LHFPL4: variants seen among roughly 807,000 people sequenced by gnomAD.
LHFPL4 encodes LHFPL tetraspan subfamily member 4, also known as LHFPL tetraspan subfamily member 4 protein.
LHFPL4 carries 6 observed loss-of-function variants against 20.0 expected under a neutral mutation model. The ratio of observed to expected loss-of-function variants is 0.30; its 90% CI spans 0.16 to 0.59. The LOEUF (loss-of-function observed/expected upper bound fraction) is 0.59. LHFPL4 is among the 20% of genes least tolerant of loss of function. The pLI is 0.88. For missense variants in LHFPL4, 215 were observed against 331.2 expected, an observed-to-expected ratio of 0.65 and a Z score of 2.72; for synonymous variants, 129 against 143.8, an observed-to-expected ratio of 0.90 and a Z score of 0.74.
chr3:9,518,791 G>C (rs1361213845), intron 2 of LHFPL4, among the ~76,000 whole-genome samples: 1 of 146,534 alleles, frequency 6.8e-6, no homozygotes, highest in Non-Finnish European at 1.5e-5. Flanking sequence ...TTGAAACAGA[G>C]TCTCACTCTG....
At chr3:9,546,141 C>T (rs928679157) in intron 2 of LHFPL4, among the ~76,000 whole-genome samples, 2 of 151,758 alleles carry the variant, frequency 1.3e-5, no homozygotes, top group African/African-American at 4.8e-5. Context: ...TGGTGAAACC[C>T]TGTCTCTACT....
chr3:9,521,222 T>C (rs2046335239), intron 2 of LHFPL4, among the ~76,000 whole-genome samples: 1 of 120,664 alleles, frequency 8.3e-6, no homozygotes, highest in Non-Finnish European at 1.8e-5. Flanking sequence ...CTTTTCCTTT[T>C]CTTCTTCTTC....
At chr3:9,543,298 G>C (rs1213398596) in intron 2 of LHFPL4, among the ~76,000 whole-genome samples, 1 of 151,846 alleles carries the variant, frequency 6.6e-6, no homozygotes, top group African/African-American at 2.4e-5. Flanking sequence ...TCAGGAGATC[G>C]AGACCATCCT....
At chr3:9,508,403 A>C (rs569606479) in intron 2 of LHFPL4, among the ~76,000 whole-genome samples, 63 of 152,282 alleles carry the variant, frequency 4.1e-4, no homozygotes, top group African/African-American at 1.4e-3. Flanking sequence ...TCACCACCTA[A>C]GGGCTGGGAA....
At chr3:9,510,745 C>T (rs1327565192) in intron 2 of LHFPL4, among the ~76,000 whole-genome samples, 2 of 151,298 alleles carry the variant, frequency 1.3e-5, no homozygotes, top group Non-Finnish European at 2.9e-5. Context: ...CGAGACCAGC[C>T]TGGTCAACAT....
At position 9,525,887 on chromosome 3, in the gene LHFPL4, G is replaced by A. The variant is rs143256654; in HGVS notation, c.407-19684C>T. Among the ~76,000 whole-genome samples the A allele has an allele frequency of 5.7e-3, 875 of 152,244 alleles. 11 individuals carry two copies. The highest frequency in any genetic ancestry group is 8.0e-3 in the Non-Finnish European group (546 of 68,028). Reference sequence around the variant, plus strand: ...CAGGCACAGAAAGGTTAAATGATGAGTCTGACCTAGCCTTCCTGGGGCCTG... The same window carrying A: ...CAGGCACAGAAAGGTTAAATGATGAATCTGACCTAGCCTTCCTGGGGCCTG... On this transcript the variant is annotated intron_variant, in intron 2 of 3. Coordinates refer to ENST00000287585, the MANE Select transcript of LHFPL4 (RefSeq NM_198560.3).
chr3:9,532,184 C>A (rs1238581987), intron 2 of LHFPL4, among the ~76,000 whole-genome samples: 1 of 152,046 alleles, frequency 6.6e-6, no homozygotes, highest in Non-Finnish European at 1.5e-5. Context: ...CACCACTACA[C>A]CCAGCTAATT....
At chr3:9,542,331 T>C (rs2046482051) in intron 2 of LHFPL4, among the ~76,000 whole-genome samples, 1 of 152,038 alleles carries the variant, frequency 6.6e-6, no homozygotes, top group East Asian at 1.9e-4. Context: ...ATAGCATTCT[T>C]CATAATAGCC....
intron 2 of LHFPL4, among the ~76,000 whole-genome samples, chr3:9,511,672 T>C (rs1372346861): frequency 2.0e-5 from 3 of 152,232 alleles, no homozygotes; most frequent in Non-Finnish European, 2.9e-5. Context: ...TCTAGCTAGA[T>C]ACTTTTGCCT....
At chr3:9,545,649 G>C (rs986007635) in intron 2 of LHFPL4, among the ~76,000 whole-genome samples, 2 of 152,116 alleles carry the variant, frequency 1.3e-5, no homozygotes, top group Admixed American at 6.6e-5. Context: ...CCAGGAGGTG[G>C]AGGTTGCAGT....
At chr3:9,504,107 A>G (rs2125654693) in intron 3 of LHFPL4, among the ~76,000 whole-genome samples, 1 of 152,282 alleles carries the variant, frequency 6.6e-6, no homozygotes, top group South Asian at 2.1e-4. Context: ...GTGCTGGCTC[A>G]TGCCTGTAAT....
intron 2 of LHFPL4, among the ~76,000 whole-genome samples, chr3:9,548,522 C>T (rs1336320510): frequency 1.3e-5 from 2 of 152,150 alleles, no homozygotes; most frequent in African/African-American, 2.4e-5. Flanking sequence ...TCATACCTCC[C>T]ACCTGGTAAC....
At chr3:9,538,818 C>T (rs556635301) in intron 2 of LHFPL4, among the ~76,000 whole-genome samples, 1 of 152,098 alleles carries the variant, frequency 6.6e-6, no homozygotes, top group African/African-American at 2.4e-5. Flanking sequence ...CCTGTCTCAG[C>T]CTCCTGAGTA....
chr3:9,542,961 A>G (rs563289450), intron 2 of LHFPL4, among the ~76,000 whole-genome samples: 189 of 152,270 alleles, frequency 1.2e-3, no homozygotes, highest in African/African-American at 4.4e-3. Flanking sequence ...GCTAAAGTGC[A>G]TGAGGTTTCT....
chr3:9,542,360 A>G (rs2046482264), intron 2 of LHFPL4, among the ~76,000 whole-genome samples: 1 of 152,226 alleles, frequency 6.6e-6, no homozygotes. Flanking sequence ...GAACAACCCA[A>G]ATGTCCATCA....
chr3:9,509,072 C>A (rs1209671377), intron 2 of LHFPL4, among the ~76,000 whole-genome samples: 1 of 152,178 alleles, frequency 6.6e-6, no homozygotes, highest in Admixed American at 6.5e-5. Flanking sequence ...AGCTGCGCAG[C>A]GCTGGCTCCT....
At chr3:9,517,950 G>A (rs187938146) in intron 2 of LHFPL4, among the ~76,000 whole-genome samples, 1 of 151,784 alleles carries the variant, frequency 6.6e-6, no homozygotes, top group East Asian at 1.9e-4. Context: ...AGGACTTTCA[G>A]CATGATTTCA....
intron 2 of LHFPL4, among the ~76,000 whole-genome samples, chr3:9,545,434 T>G (rs1010800461): frequency 6.6e-6 from 1 of 152,112 alleles, no homozygotes; most frequent in Non-Finnish European, 1.5e-5. Flanking sequence ...ATTCCAGCAC[T>G]TTGGGAGGCC....
chr3:9,499,475 T>TC lies in LHFPL4; in HGVS notation c.*2735dup, dbSNP rs2046155352. ...CTGACTCCAAACTCCCTGGTGCATC[T>TC]CCCCCTGGCTCTGCCAAGATGGCAG... is the stretch of plus-strand genomic sequence containing the variant. On this transcript the variant is annotated 3_prime_UTR_variant, in exon 4 of 4. Coordinates refer to ENST00000287585, the MANE Select transcript of LHFPL4 (RefSeq NM_198560.3). 6.6e-6 allele frequency: 1 copy of TC among 152,308 alleles called. No individual in the cohort carries two copies. The highest frequency in any genetic ancestry group is 1.5e-5 in the Non-Finnish European group (1 of 68,130). 9.4% of individuals were successfully genotyped at this position (152,308 alleles called of 1,614,324 possible). A position where few individuals can be genotyped will look rare whatever the true frequency, so the allele number is the denominator to read the frequency against.
Sources: gnomAD v4.1 joint callset for allele counts (sites outside exome capture counted in the v4.1 genomes callset) on GRCh38, gnomAD v4.1.1 for gene constraint, MANE v1.5 for transcripts, NCBI Gene and HGNC (gene_info 2026-07-23, HGNC 2026-07-21) for gene names.